SVEP1: variants seen among roughly 807,000 people sequenced by gnomAD.
SVEP1 encodes sushi, von Willebrand factor type A, EGF and pentraxin domain containing 1.
A neutral mutation model predicts 367.3 loss-of-function variants in SVEP1; 164 were observed. The observed-to-expected ratio is 0.45, with a 90% CI of 0.39 to 0.51. SVEP1 has a LOEUF of 0.51. SVEP1 is among the 20% of genes least tolerant of loss of function. The pLI is 0.00. For missense variants in SVEP1, 4,117 were observed against 4,425.3 expected (o/e 0.93, Z 1.98); for synonymous variants, 1,666 against 1,611.6 (o/e 1.03, Z -0.81).
In SVEP1 at chr9:110,436,514, G is replaced by A. The variant is rs765328170; in HGVS notation, c.4640-10C>T. 8 of 1,611,268 alleles carry A rather than the reference G, an allele frequency of 5.0e-6. No individual in the cohort carries two copies. The highest frequency in any genetic ancestry group is 1.3e-5 in the African/African-American group (1 of 74,986). On this transcript the variant is annotated splice_polypyrimidine_tract_variant and intron_variant, in intron 27 of 47. Transcript: ENST00000374469. ...ACTAACGCACCACCACCTAAGGAGA[G>A]AGAAAGAGAAAGAAAAGGAGGAAAA...
rs1006882397 is a variant in SVEP1, at chr9:110,453,384, A to C, written c.3788-1982T>G. Among the ~76,000 whole-genome samples the C allele has an allele frequency of 7.0e-4, 107 of 152,152 alleles. 1 individual carries two copies. Among genetic ancestry groups the C allele is most frequent in the Admixed American group, 6.9e-3 (106 of 15,272 alleles). Reference sequence around the variant, plus strand: ...GTGGGTTAACAAGGGAATTGAGAATAAGATCACTGTTTCTGAACTATTTTT... The same window carrying C: ...GTGGGTTAACAAGGGAATTGAGAATCAGATCACTGTTTCTGAACTATTTTT... On this transcript the variant is annotated intron_variant, in intron 22 of 47. Coordinates refer to ENST00000374469, the MANE Select transcript of SVEP1 (RefSeq NM_153366.4).
chr9:110,427,489 G>T (rs1445392232), intron 36 of SVEP1, 102 bp downstream of exon 36: 1 of 1,384,060 alleles, frequency 7.2e-7, no homozygotes, highest in South Asian at 1.4e-5. Context: ...GTCTTTGGCT[G>T]CCAGGAAATT....
intron 3 of SVEP1, among the ~76,000 whole-genome samples, chr9:110,536,493 A>T (rs1170948192): frequency 2.0e-5 from 3 of 152,000 alleles, no homozygotes; most frequent in Non-Finnish European, 2.9e-5. Flanking sequence ...TACATATATA[A>T]CTAAATTAGT....
intron 3 of SVEP1, among the ~76,000 whole-genome samples, chr9:110,515,714 C>T (rs1829791177): frequency 1.3e-5 from 2 of 152,056 alleles, no homozygotes; most frequent in South Asian, 4.1e-4. Flanking sequence ...TTATTATATC[C>T]ATTTTAAACA....
chr9:110,472,554 A>G (rs561625725), intron 14 of SVEP1, among the ~76,000 whole-genome samples: 1 of 152,290 alleles, frequency 6.6e-6, no homozygotes, highest in African/African-American at 2.4e-5. Flanking sequence ...AAAAGTCTCT[A>G]TGGAACTACT....
intron 46 of SVEP1, among the ~76,000 whole-genome samples, chr9:110,371,984 T>C (rs1827284120): frequency 6.6e-6 from 1 of 152,054 alleles, no homozygotes; most frequent in Non-Finnish European, 1.5e-5. Flanking sequence ...CTTCTGTTGC[T>C]CTCAACACAT....
intron 41 of SVEP1, among the ~76,000 whole-genome samples, chr9:110,388,363 G>A (rs370735413): frequency 6.6e-6 from 1 of 152,136 alleles, no homozygotes; most frequent in Non-Finnish European, 1.5e-5. Context: ...AAATGGGCTT[G>A]AGTCTTAATT....
rs542700858 is a variant in SVEP1 at position 110,441,271 on chromosome 9, G to T, written c.4639+2274C>A. ...TGAAATAATTATATGATTTTCAAAAGCAGCCTCTATATTAATCTCCCAATA... is the reference window on the plus strand; with the variant it reads ...TGAAATAATTATATGATTTTCAAAATCAGCCTCTATATTAATCTCCCAATA... On this transcript the variant is annotated intron_variant, in intron 27 of 47. Coordinates refer to ENST00000374469, the MANE Select transcript of SVEP1 (RefSeq NM_153366.4). Among the ~76,000 whole-genome samples the T allele has an allele frequency of 4.6e-5, 7 of 152,238 alleles. No homozygotes were observed. In the South Asian group the frequency reaches 1.5e-3, roughly 32 times the overall value.
At chr9:110,389,656 A>AGTAATCTTAGCTATGGCCTTGAATCGCTC in intron 40 of SVEP1, 69 bp from the exon 41 acceptor site, 1 of 1,573,154 alleles carries the variant, frequency 6.4e-7, no homozygotes, top group Non-Finnish European at 8.7e-7. Context: ...GGAAATGCAA[A>AGTAATCTTAGCTATGGCCTTGAATCGCTC]GTAATCTTAG....
chr9:110,479,832 T>C, intron 12 of SVEP1, 76 bp from the exon 13 acceptor site: 1 of 1,535,274 alleles, frequency 6.5e-7, no homozygotes, highest in Non-Finnish European at 8.8e-7. Context: ...ATGAAATAAT[T>C]GAAACAATGT....
chr9:110,537,139 G>A (rs2118827969), intron 3 of SVEP1, among the ~76,000 whole-genome samples: 1 of 152,002 alleles, frequency 6.6e-6, no homozygotes, highest in South Asian at 2.1e-4. Flanking sequence ...TTTTTGGCAT[G>A]CAACTCAGGA....
chr9:110,499,420 T>C (rs540123586), intron 6 of SVEP1, among the ~76,000 whole-genome samples, 182 bp from the exon 7 acceptor site: 2 of 152,356 alleles, frequency 1.3e-5, no homozygotes, highest in East Asian at 1.9e-4. Flanking sequence ...TATACCTCTT[T>C]AGTTATCTTT....
chr9:110,445,812 T>C (rs983325717), intron 26 of SVEP1, 25 bp downstream of exon 26: 5 of 1,612,556 alleles, frequency 3.1e-6, no homozygotes, highest in Non-Finnish European at 4.2e-6. Flanking sequence ...ATCTTAAGCA[T>C]AGCCTTCCCG....
intron 3 of SVEP1, among the ~76,000 whole-genome samples, chr9:110,527,748 G>C (rs979115542): frequency 6.6e-6 from 1 of 151,684 alleles, no homozygotes; most frequent in Admixed American, 6.6e-5. Flanking sequence ...TGGATGAATT[G>C]TATAGTGATA....
intron 1 of SVEP1, among the ~76,000 whole-genome samples, chr9:110,570,206 A>G (rs955405782): frequency 6.6e-6 from 1 of 152,230 alleles, no homozygotes; most frequent in African/African-American, 2.4e-5. Context: ...TCTATGGGAA[A>G]TGCAGAGACA....
intron 5 of SVEP1, among the ~76,000 whole-genome samples, chr9:110,510,698 T>C (rs1829696945): frequency 6.6e-6 from 1 of 152,240 alleles, no homozygotes; most frequent in Non-Finnish European, 1.5e-5. Flanking sequence ...AAGGGCAGTC[T>C]TCTCTGATTT....
At position 110,471,541 on chromosome 9, in the gene SVEP1, G is replaced by A. The variant is rs1829017896; in HGVS notation, c.2821C>T (p.Arg941Ter). 3 of 1,613,730 alleles carry A rather than the reference G, an allele frequency of 1.9e-6. No individual in the cohort carries two copies. The highest frequency in any genetic ancestry group is 2.5e-6 in the Non-Finnish European group (3 of 1,179,866). ...NDTLEWENQQ[R>*]LLQTLETITN... ...ATAGTTTCCAATGTCTGAAGGAGTC[G>A]TTGCTGATTTTCCCATTCAAGGGTA... is the stretch of plus-strand genomic sequence containing the variant. The change falls in exon 16 of 48, where the codon CGA becomes TGA. Residue 941 changes from arginine (R) to a stop codon, truncating the protein, a stop_gained. Coordinates refer to ENST00000374469, the MANE Select transcript of SVEP1 (RefSeq NM_153366.4). LOFTEE classifies it high-confidence loss of function.
intron 40 of SVEP1, among the ~76,000 whole-genome samples, chr9:110,398,702 C>T (rs1827808570): frequency 6.6e-6 from 1 of 152,132 alleles, no homozygotes; most frequent in African/African-American, 2.4e-5. Flanking sequence ...AGACAGTTCT[C>T]AAAAGAAGAC....
chr9:110,569,033 C>T lies in SVEP1; in HGVS notation c.531+9980G>A, dbSNP rs1830524195. Among the ~76,000 whole-genome samples, 5 of 152,054 alleles carry T rather than the reference C, an allele frequency of 3.3e-5. No homozygotes were observed. The South Asian group carries it at 1.0e-3, about 32-fold the overall frequency. On this transcript the variant is annotated intron_variant, in intron 1 of 47. Coordinates refer to ENST00000374469, the MANE Select transcript of SVEP1 (RefSeq NM_153366.4). ...GGGATACCCCAAGAGGTTGAGGCTG[C>T]AGTGAGACATGATCATGCCATTGCA...
Sources: gnomAD v4.1 joint callset for allele counts (sites outside exome capture counted in the v4.1 genomes callset) on GRCh38, gnomAD v4.1.1 for gene constraint, MANE v1.5 for transcripts, NCBI Gene and HGNC (gene_info 2026-07-23, HGNC 2026-07-21) for gene names.